INTS4: variants seen among roughly 807,000 people sequenced by gnomAD.
INTS4 encodes the protein integrator complex subunit 4.
INTS4 carries 70 observed loss-of-function variants against 119.5 expected under a neutral mutation model. The observed-to-expected ratio is 0.59, with a 90% CI of 0.48 to 0.71. The LOEUF (loss-of-function observed/expected upper bound fraction) is 0.71, where lower values mean the gene tolerates loss of function less well. INTS4 is among the 30% of genes least tolerant of loss of function. INTS4 has a pLI of 0.00. For synonymous variants in INTS4, 316 were observed against 419.6 expected (o/e 0.75, Z 3.02); for missense variants, 867 against 1,173.2 (o/e 0.74, Z 3.81).
chr11:77,938,826 C>T lies in INTS4; in HGVS notation c.991-1G>A. The stretch of plus-strand genomic sequence containing the variant: ...CACGCTCATGTGCAGTACGTTTCCT[C>T]TGCAGAGGACAACAACAATTACCAA... On this transcript the variant is annotated splice_acceptor_variant, in intron 9 of 22. Coordinates refer to ENST00000534064, the MANE Select transcript of INTS4 (RefSeq NM_033547.4). LOFTEE classifies it high-confidence loss of function. The T allele has an allele frequency of 1.2e-5, 20 of 1,607,100 alleles. No individual in the cohort carries two copies. Among genetic ancestry groups the T allele is most frequent in the Non-Finnish European group, 1.7e-5 (20 of 1,177,714 alleles).
chr11:77,930,264 T>C (rs1006997036), intron 10 of INTS4, among the ~76,000 whole-genome samples: 7 of 152,212 alleles, frequency 4.6e-5, no homozygotes, highest in Non-Finnish European at 8.8e-5. Flanking sequence ...TTCCTCTTTG[T>C]ATAAAGAAAG....
intron 16 of INTS4, among the ~76,000 whole-genome samples, chr11:77,907,168 C>G (rs1172421947): frequency 1.3e-5 from 2 of 152,110 alleles, no homozygotes; most frequent in Non-Finnish European, 2.9e-5. Flanking sequence ...GCCTTGACCT[C>G]CTAGGCTCAA....
intron 10 of INTS4, among the ~76,000 whole-genome samples, chr11:77,928,875 G>C (rs1488487793): frequency 1.3e-5 from 2 of 151,824 alleles, no homozygotes; most frequent in Non-Finnish European, 2.9e-5. Flanking sequence ...AAACAAATTA[G>C]CCAAGTGTGG....
intron 13 of INTS4, among the ~76,000 whole-genome samples, chr11:77,922,059 C>T (rs961885058): frequency 1.3e-5 from 2 of 151,804 alleles, no homozygotes. Flanking sequence ...GATACCTCAT[C>T]TCTACTAAAA....
intron 15 of INTS4, among the ~76,000 whole-genome samples, chr11:77,916,487 A>G: frequency 6.6e-6 from 1 of 152,212 alleles, no homozygotes. Flanking sequence ...GTACAGTAAA[A>G]ATATAATCAT....
At chr11:77,994,168 T>C (rs73501890) in intron 1 of INTS4, among the ~76,000 whole-genome samples, 5,136 of 152,040 alleles carry the variant, frequency 0.034, 307 homozygotes, top group African/African-American at 0.12. Context: ...AACTGGTCCC[T>C]GGGAGGTTTT....
chr11:77,947,548 A>T (rs1954078722), intron 8 of INTS4, among the ~76,000 whole-genome samples: 1 of 152,226 alleles, frequency 6.6e-6, no homozygotes, highest in African/African-American at 2.4e-5. Flanking sequence ...TCACTATCAT[A>T]AAAACACACA....
chr11:77,990,215 C>CAAAAAAAAAA (rs59474739), intron 2 of INTS4, among the ~76,000 whole-genome samples: 1 of 96,200 alleles, frequency 1.0e-5, no homozygotes, highest in Non-Finnish European at 2.1e-5. Context: ...GACCAAGTCT[C>CAAAAAAAAAA]AAAAAAAAAA....
At position 77,981,518 on chromosome 11, in the gene INTS4, G is replaced by C; in HGVS notation, c.305C>G (p.Thr102Arg). ...IASLLGLLSK[T>R]AGFSPDCIMD... Reference sequence around the variant, plus strand: ...AATGCAGTCTGGTGAAAATCCTGCTGTCTTTGATAATAAACCCAACAATGA... The same window carrying C: ...AATGCAGTCTGGTGAAAATCCTGCTCTCTTTGATAATAAACCCAACAATGA... The change falls in exon 3 of 23, where the codon ACA (threonine) becomes AGA (arginine). Residue 102 changes from threonine (T) to arginine (R), a missense_variant. By Grantham distance (71) the Thr-to-Arg change is moderately conservative. Around this residue, in one of 5 missense-constraint regions of INTS4, gnomAD observed 224 missense variants for 231.8 expected, o/e 0.97. Transcript: ENST00000534064. 1 of 1,584,620 alleles carries C rather than the reference G, an allele frequency of 6.3e-7. No homozygotes were observed. Among genetic ancestry groups the C allele is most frequent in the Non-Finnish European group, 8.6e-7 (1 of 1,164,394 alleles).
intron 1 of INTS4, 97 bp from the exon 2 acceptor site, chr11:77,991,396 T>G: frequency 1.1e-6 from 1 of 946,630 alleles, no homozygotes; most frequent in Non-Finnish European, 1.6e-6. Flanking sequence ...ATAATATATT[T>G]AGCTGATGGA....
chr11:77,897,696 G>A (rs1394834446), intron 18 of INTS4, among the ~76,000 whole-genome samples: 5 of 151,128 alleles, frequency 3.3e-5, no homozygotes, highest in Admixed American at 1.3e-4. Flanking sequence ...TAGTAGAGAC[G>A]GGGTTTCACC....
chr11:77,933,920 A>G (rs1953727552), intron 10 of INTS4, among the ~76,000 whole-genome samples: 1 of 152,194 alleles, frequency 6.6e-6, no homozygotes, highest in Admixed American at 6.5e-5. Context: ...AGAGCGGGCC[A>G]TGATGACAAT....
chr11:77,910,202 A>G (rs1435259678), intron 15 of INTS4, among the ~76,000 whole-genome samples: 3 of 152,158 alleles, frequency 2.0e-5, no homozygotes, highest in Non-Finnish European at 4.4e-5. Context: ...CCAAATGTCC[A>G]ACAATGATAG....
chr11:77,950,879 C>T (rs1426313411), intron 8 of INTS4, among the ~76,000 whole-genome samples: 1 of 120,070 alleles, frequency 8.3e-6, no homozygotes. Context: ...CCCCTCCCCC[C>T]ACCCCACAAC....
chr11:77,901,690 A>C (rs1952782605), intron 17 of INTS4, 139 bp from the exon 18 acceptor site: 1 of 654,476 alleles, frequency 1.5e-6, no homozygotes, highest in East Asian at 2.8e-5. Context: ...GTGTTGAAAG[A>C]AATTAGTATA....
chr11:77,951,512 T>A (rs527550850), intron 8 of INTS4, among the ~76,000 whole-genome samples: 1 of 152,190 alleles, frequency 6.6e-6, no homozygotes, highest in African/African-American at 2.4e-5. Flanking sequence ...AAAAATTAAT[T>A]CAAGATGGAT....
chr11:77,989,750 A>C (rs1258754528), intron 2 of INTS4, among the ~76,000 whole-genome samples: 1 of 151,332 alleles, frequency 6.6e-6, no homozygotes, highest in Non-Finnish European at 1.5e-5. Context: ...AAATACAAAA[A>C]TTAGCCAGGC....
intron 21 of INTS4, among the ~76,000 whole-genome samples, chr11:77,888,870 G>A (rs10899414): frequency 0.38 from 57,601 of 151,854 alleles, 11,339 homozygotes; most frequent in African/African-American, 0.46. Flanking sequence ...CAAAACCACA[G>A]TGAGATACCA....
chr11:77,915,541 C>T (rs185088394), intron 15 of INTS4, among the ~76,000 whole-genome samples: 8 of 152,270 alleles, frequency 5.3e-5, no homozygotes, highest in East Asian at 1.9e-4. Flanking sequence ...CCCAAGCCCA[C>T]GGCACTCCCA....
Sources: allele counts gnomAD v4.1 joint callset (sites outside exome capture counted in the v4.1 genomes callset), GRCh38; gene constraint gnomAD v4.1.1; regional missense constraint gnomAD v4.1.1; transcripts MANE v1.5; gene names NCBI Gene and HGNC (gene_info 2026-07-23, HGNC 2026-07-21).